The following LPAR6 variants were observed in gnomAD, a reference collection of about 807,000 sequenced individuals.
LPAR6 encodes the protein G-protein coupled purinergic receptor P2Y5.
A neutral mutation model predicts 22.0 loss-of-function variants in LPAR6; 17 were observed. The observed-to-expected ratio is 0.77, with a 90% CI of 0.53 to 1.16. The LOEUF (loss-of-function observed/expected upper bound fraction) is 1.16, where lower values mean the gene tolerates loss of function less well. Among genes scored for constraint, LPAR6 ranks in the 50% most tolerant of loss-of-function variants. The probability of loss-of-function intolerance (pLI) is 0.00; values close to 1 mark genes in which losing one functional copy is unlikely to be tolerated. For synonymous variants in LPAR6, 136 were observed against 139.8 expected, an observed-to-expected ratio of 0.97 and a Z score of 0.19; for missense variants, 384 against 406.9, an observed-to-expected ratio of 0.94 and a Z score of 0.48.
intron 1 of LPAR6, among the ~76,000 whole-genome samples, chr13:48,392,999 T>C (rs765237649): frequency 3.3e-5 from 5 of 152,208 alleles, no homozygotes; most frequent in Non-Finnish European, 5.9e-5. Context: ...CAGTCTTTAA[T>C]CAATAGCCGA....
chr13:48,406,785 G>A (rs1283692446), downstream of LPAR6: 1 of 152,298 alleles, frequency 6.6e-6, no homozygotes, highest in Admixed American at 6.5e-5. Flanking sequence ...CAGGTGCAGT[G>A]GCCTGCACCT....
At chr13:48,434,639 A>G (rs928546197) in intron 1 of LPAR6, among the ~76,000 whole-genome samples, 3 of 152,100 alleles carry the variant, frequency 2.0e-5, no homozygotes, top group African/African-American at 4.8e-5. Context: ...GGTTTCCACT[A>G]TACACCATTC....
intron 2 of LPAR6, among the ~76,000 whole-genome samples, chr13:48,420,719 C>A (rs1445515578): frequency 1.3e-5 from 2 of 152,126 alleles, no homozygotes; most frequent in Non-Finnish European, 2.9e-5. Context: ...GTGCAGAAAT[C>A]ACAAGTATTC....
chr13:48,393,182 T>G (rs911854893), intron 1 of LPAR6, among the ~76,000 whole-genome samples: 1 of 152,224 alleles, frequency 6.6e-6, no homozygotes, highest in Non-Finnish European at 1.5e-5. Flanking sequence ...AGTAGTATCA[T>G]CACATCCATG....
At chr13:48,441,720 T>G (rs1593519926) in intron 1 of LPAR6, among the ~76,000 whole-genome samples, 1 of 152,202 alleles carries the variant, frequency 6.6e-6, no homozygotes, top group Non-Finnish European at 1.5e-5. Flanking sequence ...TAGGAATAGG[T>G]TAAACTTGAC....
chr13:48,421,584 T>C (rs919687681), intron 2 of LPAR6, among the ~76,000 whole-genome samples: 6 of 152,224 alleles, frequency 3.9e-5, no homozygotes, highest in African/African-American at 1.4e-4. Flanking sequence ...ACAGGCAACC[T>C]ACAGAATGGG....
At chr13:48,441,929 G>A (rs1384933240) in intron 1 of LPAR6, among the ~76,000 whole-genome samples, 2 of 152,110 alleles carry the variant, frequency 1.3e-5, no homozygotes, top group African/African-American at 4.8e-5. Flanking sequence ...ACAAATCTTA[G>A]TCATGAGCAT....
At chr13:48,439,637 G>A (rs1304076331) in intron 1 of LPAR6, 1 of 152,064 alleles carries the variant, frequency 6.6e-6, no homozygotes, top group African/African-American at 2.4e-5. Context: ...CAAATGCTGG[G>A]AAAAAGAGAA....
downstream of LPAR6, among the ~76,000 whole-genome samples, chr13:48,407,248 C>T (rs198605): frequency 2.0e-5 from 3 of 152,138 alleles, no homozygotes; most frequent in African/African-American, 7.2e-5. Flanking sequence ...GAATTATACC[C>T]CTTCTGGGGC....
chr13:48,411,844 A>G lies in LPAR6; in HGVS notation c.580T>C (p.Phe194Leu). 4 of 1,613,362 alleles carry G rather than the reference A, an allele frequency of 2.5e-6. No homozygotes were observed. In the South Asian group the frequency reaches 4.4e-5, roughly 18 times the overall value. ...GTTACATTTAAAATTAGAGGAATAA[A>G]AAATCCCACTATTTCGATGAAAATT... Reference protein sequence around the residue: ...IVIFIEIVGFFIPLILNVTCS... With the variant: ...IVIFIEIVGFLIPLILNVTCS... The change falls in exon 1 of 1, where the codon TTT (phenylalanine) becomes CTT (leucine). Residue 194 changes from phenylalanine to leucine, a missense_variant. Transcript: ENST00000620633.
chr13:48,413,287 G>A (rs1034702761), upstream of LPAR6, among the ~76,000 whole-genome samples: 1 of 152,166 alleles, frequency 6.6e-6, no homozygotes, highest in South Asian at 2.1e-4. Flanking sequence ...GTTGAACTGC[G>A]TGGTCTGCTC....
At chr13:48,422,018 T>A (rs1949013434) in intron 2 of LPAR6, among the ~76,000 whole-genome samples, 1 of 152,150 alleles carries the variant, frequency 6.6e-6, no homozygotes, top group Non-Finnish European at 1.5e-5. Context: ...CATTACTGGG[T>A]ATATACCCAA....
At chr13:48,415,272 C>CT (rs1948888907), upstream of LPAR6, among the ~76,000 whole-genome samples, 2 of 151,436 alleles carry the variant, frequency 1.3e-5, no homozygotes, top group Non-Finnish European at 1.5e-5. Flanking sequence ...TTTTTCTTTT[C>CT]TTTTCTTTTT....
upstream of LPAR6, chr13:48,416,454 T>C (rs111796313): frequency 4.4e-3 from 678 of 152,578 alleles, 3 homozygotes; most frequent in African/African-American, 0.015. Context: ...GGCAATTCCC[T>C]CGGGTGCCTA....
intron 1 of LPAR6, among the ~76,000 whole-genome samples, chr13:48,433,334 C>A (rs1202413483): frequency 1.3e-5 from 2 of 151,572 alleles, no homozygotes; most frequent in African/African-American, 4.8e-5. Flanking sequence ...TTAAATATAC[C>A]ACTAACTCTA....
chr13:48,436,624 CAA>C (rs1288043582), intron 1 of LPAR6, among the ~76,000 whole-genome samples: 3 of 149,830 alleles, frequency 2.0e-5, no homozygotes, highest in Non-Finnish European at 4.5e-5. Context: ...GCCTGGGTGA[CAA>C]GAGCAAGACT....
At chr13:48,398,131 A>G (rs1427370674) in intron 1 of LPAR6, among the ~76,000 whole-genome samples, 1 of 152,212 alleles carries the variant, frequency 6.6e-6, no homozygotes, top group Non-Finnish European at 1.5e-5. Flanking sequence ...ATATAATGAT[A>G]AAGCAATTAT....
chr13:48,413,781 T>C (rs1948859415), upstream of LPAR6, among the ~76,000 whole-genome samples: 2 of 152,210 alleles, frequency 1.3e-5, no homozygotes, highest in South Asian at 4.1e-4. Context: ...TGTTTATCTT[T>C]GGTGTGGTGT....
At chr13:48,389,871 T>C (rs1474628124) in intron 1 of LPAR6, 1 of 152,268 alleles carries the variant, frequency 6.6e-6, no homozygotes, top group African/African-American at 2.4e-5. Flanking sequence ...AACAGGATAT[T>C]TGGCAGGGTG....
Sources: gnomAD v4.1 joint callset for allele counts (sites outside exome capture counted in the v4.1 genomes callset) on GRCh38, gnomAD v4.1.1 for gene constraint, MANE v1.5 for transcripts, NCBI Gene and HGNC (gene_info 2026-07-23, HGNC 2026-07-21) for gene names.